The following ZEB1 variants were observed in gnomAD, a reference collection of about 807,000 sequenced individuals.
ZEB1 encodes the protein zinc finger E-box-binding homeobox 1.
Under a neutral mutation model 84.9 loss-of-function variants are expected in ZEB1, and 21 were observed. The observed-to-expected ratio is 0.25, with a 90% CI of 0.18 to 0.36. The LOEUF is 0.36. Ranked by LOEUF, ZEB1 falls within the 10% of genes least tolerant of loss-of-function variation. The probability of loss-of-function intolerance (pLI) is 1.00; values close to 1 mark genes in which losing one functional copy is unlikely to be tolerated. For synonymous variants in ZEB1, 420 were observed against 471.1 expected (o/e 0.89, Z 1.41); for missense variants, 1,104 against 1,330.2 (o/e 0.83, Z 2.65).
intron 2 of ZEB1, among the ~76,000 whole-genome samples, chr10:31,464,845 G>A (rs747736660): frequency 3.3e-5 from 5 of 152,190 alleles, no homozygotes; most frequent in Non-Finnish European, 7.4e-5. Context: ...TTTTGTCACT[G>A]TTAAACCTGC....
chr10:31,365,563 C>T (rs1319474056), intron 1 of ZEB1, among the ~76,000 whole-genome samples: 1 of 152,134 alleles, frequency 6.6e-6, no homozygotes, highest in African/African-American at 2.4e-5. Context: ...GGATATCTTT[C>T]ATTTAATAAG....
At chr10:31,335,646 A>T (rs970475673) in intron 1 of ZEB1, among the ~76,000 whole-genome samples, 1 of 152,124 alleles carries the variant, frequency 6.6e-6, no homozygotes, top group Non-Finnish European at 1.5e-5. Flanking sequence ...TCCAAAGAAA[A>T]TTTCCAGCCC....
chr10:31,432,390 A>G (rs1046099845), intron 1 of ZEB1, among the ~76,000 whole-genome samples: 3 of 152,192 alleles, frequency 2.0e-5, no homozygotes, highest in Non-Finnish European at 4.4e-5. Flanking sequence ...GGAGTTTGAG[A>G]CTAGCCTTGG....
chr10:31,335,382 T>C (rs1264262003), intron 1 of ZEB1, among the ~76,000 whole-genome samples: 1 of 152,148 alleles, frequency 6.6e-6, no homozygotes, highest in Admixed American at 6.5e-5. Flanking sequence ...TTGAAACGTA[T>C]GCCCTGTTGA....
chr10:31,525,047 T>C (rs114211964), intron 8 of ZEB1, among the ~76,000 whole-genome samples: 2 of 152,246 alleles, frequency 1.3e-5, no homozygotes, highest in African/African-American at 4.8e-5. Flanking sequence ...TTTGATTTTG[T>C]TTTTACATTT....
chr10:31,352,286 T>G (rs1043302768), intron 1 of ZEB1, among the ~76,000 whole-genome samples: 21 of 152,208 alleles, frequency 1.4e-4, no homozygotes, highest in Non-Finnish European at 3.1e-4. Context: ...TGAGTGTAAC[T>G]TTTAGTAATT....
intron 2 of ZEB1, among the ~76,000 whole-genome samples, chr10:31,465,348 C>G (rs957808258): frequency 1.3e-5 from 2 of 151,706 alleles, no homozygotes; most frequent in African/African-American, 4.8e-5. Context: ...AAGTTCTTAT[C>G]AGTTTAAAAT....
At chr10:31,428,098 TC>T (rs2057213461) in intron 1 of ZEB1, among the ~76,000 whole-genome samples, 2 of 152,288 alleles carry the variant, frequency 1.3e-5, no homozygotes, top group South Asian at 4.1e-4. Context: ...TTATTTCTTG[TC>T]TTTTGCTAGC....
At chr10:31,328,384 T>A (rs1488634514) in intron 1 of ZEB1, among the ~76,000 whole-genome samples, 1 of 152,190 alleles carries the variant, frequency 6.6e-6, no homozygotes, top group African/African-American at 2.4e-5. Flanking sequence ...AAAGTTTAAA[T>A]GAAGCATATG....
chr10:31,520,667 C>G lies in ZEB1; in HGVS notation c.1335C>G (p.Ile445Met). Reference protein sequence around the residue: ...ANLASKEQETINASPIQQGGH... With the variant: ...ANLASKEQETMNASPIQQGGH... The stretch of plus-strand genomic sequence containing the variant: ...TTGCATCCAAAGAACAAGAAACAAT[C>G]AATGCTTCACCCATACAACAAGGTG... Residue 445 changes from isoleucine to methionine, a missense_variant, in exon 7 of 9, where the codon ATC becomes ATG. Around this residue, in one of 7 missense-constraint regions of ZEB1, gnomAD observed 531 missense variants for 575.2 expected, o/e 0.92. Coordinates refer to ENST00000424869, the MANE Select transcript of ZEB1 (RefSeq NM_001174096.2). This position sits in a 1 kb window ranked among gnomAD's most constrained non-coding sequence, Gnocchi z 5.1. 6.2e-7 allele frequency: 1 copy of G among 1,614,036 alleles called. No homozygotes were observed. Among genetic ancestry groups the G allele is most frequent in the Non-Finnish European group, 8.5e-7 (1 of 1,179,968 alleles).
intron 1 of ZEB1, among the ~76,000 whole-genome samples, chr10:31,322,933 C>G (rs921646571): frequency 1.3e-5 from 2 of 152,126 alleles, no homozygotes; most frequent in Non-Finnish European, 2.9e-5. Flanking sequence ...TCATAAGTCT[C>G]TCTATCGACT....
intron 1 of ZEB1, chr10:31,360,875 GT>G: frequency 8.7e-7 from 1 of 1,148,008 alleles, no homozygotes; most frequent in Non-Finnish European, 1.3e-6. Flanking sequence ...CAGTAGTGGC[GT>G]TACAGTGAGC....
In ZEB1 at chr10:31,527,491, A is replaced by G; in HGVS notation, c.*227A>G. ...GTGTGCCTGAACCTCAGACCTAGTA[A>G]TTTTTCATGCAGTTTTCAAAGTTAG... On this transcript the variant is annotated 3_prime_UTR_variant, in exon 9 of 9. Coordinates refer to ENST00000424869, the MANE Select transcript of ZEB1 (RefSeq NM_001174096.2). 2 of 568,526 alleles carry G rather than the reference A, an allele frequency of 3.5e-6. No individual in the cohort carries two copies. The highest frequency in any genetic ancestry group is 3.0e-6 in the Non-Finnish European group (1 of 336,314). The allele number at this position is 568,526 out of a possible 1,614,324, so 35.2% of individuals were successfully genotyped here. A position where few individuals can be genotyped will look rare whatever the true frequency, so the allele number is the denominator to read the frequency against.
At chr10:31,363,725 G>A (rs2370497) in intron 1 of ZEB1, 1 of 1,187,688 alleles carries the variant, frequency 8.4e-7, no homozygotes, top group Non-Finnish European at 1.2e-6. Flanking sequence ...GAGTTGTGAG[G>A]AGACAGCACG....
chr10:31,502,299 A>T, intron 3 of ZEB1, 49 bp from the exon 4 acceptor site: 1 of 1,585,068 alleles, frequency 6.3e-7, no homozygotes, highest in Non-Finnish European at 8.6e-7. Flanking sequence ...AAACCTTTGT[A>T]ATAACTTAGT....
At chr10:31,319,423 T>A in intron 1 of ZEB1, 131 bp downstream of exon 1, 1 of 862,420 alleles carries the variant, frequency 1.2e-6, no homozygotes. Flanking sequence ...AGTGGGAAAG[T>A]AGAAAGTAGT....
At chr10:31,446,217 G>T (rs2059751019) in intron 1 of ZEB1, among the ~76,000 whole-genome samples, 1 of 152,172 alleles carries the variant, frequency 6.6e-6, no homozygotes, top group East Asian at 1.9e-4. Flanking sequence ...GCTGTTTGTA[G>T]TATTCTCTGA....
intron 1 of ZEB1, chr10:31,360,912 T>C (rs932475712): frequency 8.1e-6 from 12 of 1,488,762 alleles, no homozygotes; most frequent in South Asian, 1.1e-5. Flanking sequence ...CAGTACTGCA[T>C]GGATGCTCTA....
At chr10:31,384,429 G>C (rs529397944) in intron 1 of ZEB1, among the ~76,000 whole-genome samples, 1 of 152,298 alleles carries the variant, frequency 6.6e-6, no homozygotes, top group African/African-American at 2.4e-5. Context: ...TGTCTCCCCG[G>C]TTGAAGTTCA....
Sources: allele counts gnomAD v4.1 joint callset (sites outside exome capture counted in the v4.1 genomes callset), GRCh38; gene constraint gnomAD v4.1.1; regional missense constraint gnomAD v4.1.1; non-coding constraint Gnocchi (gnomAD v3.1); transcripts MANE v1.5; gene names NCBI Gene and HGNC (gene_info 2026-07-23, HGNC 2026-07-21).